CAMTA1: variants seen among roughly 807,000 people sequenced by gnomAD.
The protein encoded by CAMTA1 is calmodulin binding transcription activator 1.
Under a neutral mutation model 170.9 loss-of-function variants are expected in CAMTA1, and 27 were observed. The observed-to-expected ratio is 0.16, with a 90% confidence interval of 0.12 to 0.22. CAMTA1 has a LOEUF of 0.22. Among genes scored for constraint, CAMTA1 ranks in the 10% least tolerant of loss-of-function variants. CAMTA1 has a pLI of 1.00. For synonymous variants in CAMTA1, 833 were observed against 891.5 expected (o/e 0.93, Z 1.17); for missense variants, 1,619 against 2,217.2 (o/e 0.73, Z 5.42).
chr1:7,579,558 T>C (rs1295971843), intron 6 of CAMTA1, among the ~76,000 whole-genome samples: 4 of 114,398 alleles, frequency 3.5e-5, no homozygotes, highest in East Asian at 4.1e-4. Context: ...TTTTCTTTTT[T>C]TTTTTTTTTT....
chr1:7,051,101 T>C (rs1411329846), intron 3 of CAMTA1, among the ~76,000 whole-genome samples: 1 of 152,130 alleles, frequency 6.6e-6, no homozygotes, highest in African/African-American at 2.4e-5. Context: ...CCTCTGGTGA[T>C]CTGGAGACAC....
chr1:7,197,400 A>G (rs886118418), intron 4 of CAMTA1, among the ~76,000 whole-genome samples: 17 of 151,368 alleles, frequency 1.1e-4, no homozygotes, highest in African/African-American at 3.2e-4. Context: ...TCCAAAGACC[A>G]GGAGATGCTC....
At chr1:7,556,484 CT>C (rs981230797) in intron 6 of CAMTA1, among the ~76,000 whole-genome samples, 3 of 152,224 alleles carry the variant, frequency 2.0e-5, no homozygotes, top group Non-Finnish European at 1.5e-5. Context: ...CCCTTGCAAA[CT>C]CTTCCTTGCA....
In CAMTA1 at chr1:7,736,927, A is replaced by C; in HGVS notation, c.3264-4A>C. 6.2e-7 allele frequency: 1 copy of C among 1,610,842 alleles called. No homozygotes were observed. The highest frequency in any genetic ancestry group is 8.5e-7 in the Non-Finnish European group (1 of 1,178,088). The stretch of plus-strand genomic sequence containing the variant: ...GTGGTAATTTCTGGTGCTCTCCCTT[A>C]TAGTACAAAGCACGCGGATAGCATT... On this transcript the variant is annotated splice_region_variant and splice_polypyrimidine_tract_variant and intron_variant, in intron 13 of 22. Transcript: ENST00000303635. This position sits in a 1 kb window ranked among gnomAD's most constrained non-coding sequence, Gnocchi z 4.5.
chr1:7,304,959 T>C (rs1675361137), intron 5 of CAMTA1, among the ~76,000 whole-genome samples: 1 of 152,096 alleles, frequency 6.6e-6, no homozygotes, highest in Non-Finnish European at 1.5e-5. Context: ...ATGTTTTTGG[T>C]ATTTTAATAT....
At chr1:7,118,912 A>G (rs934952060) in intron 4 of CAMTA1, among the ~76,000 whole-genome samples, 2 of 152,206 alleles carry the variant, frequency 1.3e-5, no homozygotes, top group South Asian at 2.1e-4. Flanking sequence ...TCAGAAGACG[A>G]GCTGACTTCA....
At chr1:7,752,413 G>A (rs1432832175) in intron 20 of CAMTA1, 46 bp from the exon 21 acceptor site, 7 of 1,546,084 alleles carry the variant, frequency 4.5e-6, no homozygotes, top group South Asian at 2.2e-5. Flanking sequence ...TCCATATTGG[G>A]CTTTACTGTA....
intron 5 of CAMTA1, among the ~76,000 whole-genome samples, chr1:7,314,766 C>T (rs1337780819): frequency 6.6e-6 from 1 of 152,134 alleles, no homozygotes; most frequent in Non-Finnish European, 1.5e-5. Flanking sequence ...TACAGAGTTC[C>T]CCCTCTGGAA....
chr1:7,599,066 G>C (rs1340571899), intron 6 of CAMTA1, among the ~76,000 whole-genome samples: 2 of 152,174 alleles, frequency 1.3e-5, no homozygotes, highest in Non-Finnish European at 2.9e-5. Flanking sequence ...GGCTTTTATG[G>C]TTTTTGGTCT....
intron 5 of CAMTA1, among the ~76,000 whole-genome samples, chr1:7,301,118 A>G (rs767915870): frequency 5.3e-5 from 8 of 152,172 alleles, no homozygotes; most frequent in Non-Finnish European, 8.8e-5. Flanking sequence ...GTGACAGAGG[A>G]GCCACAGCCA....
intron 3 of CAMTA1, among the ~76,000 whole-genome samples, chr1:6,830,392 G>A (rs1262524652): frequency 6.1e-5 from 9 of 148,162 alleles, no homozygotes; most frequent in Admixed American, 4.1e-4. Flanking sequence ...TACCCAGGCT[G>A]GAGTGCAATG....
intron 6 of CAMTA1, among the ~76,000 whole-genome samples, chr1:7,611,804 G>A (rs1304349432): frequency 2.0e-5 from 3 of 152,236 alleles, no homozygotes; most frequent in African/African-American, 7.2e-5. Flanking sequence ...GCCAGTGCTG[G>A]GGGACCGCCT....
In CAMTA1 at chr1:7,044,243, T is replaced by C. The variant is rs1335430659; in HGVS notation, c.235-47061T>C. On this transcript the variant is annotated intron_variant, in intron 3 of 22. Transcript: ENST00000303635. The surrounding 1 kb of genome is among the most constrained non-coding windows in gnomAD (Gnocchi z 5.0). ...ACCCTGTGGCCACAGCTGCTGGGCCTGTTCACACACGGTTGGGACTGGCCA... is the reference window on the plus strand; with the variant it reads ...ACCCTGTGGCCACAGCTGCTGGGCCCGTTCACACACGGTTGGGACTGGCCA... Among the ~76,000 whole-genome samples the C allele has an allele frequency of 1.3e-5, 2 of 152,204 alleles. No homozygotes were observed. Among genetic ancestry groups the C allele is most frequent in the Non-Finnish European group, 2.9e-5 (2 of 68,034 alleles).
chr1:7,566,912 C>T (rs986365967), intron 6 of CAMTA1, among the ~76,000 whole-genome samples: 2 of 152,340 alleles, frequency 1.3e-5, no homozygotes, highest in East Asian at 1.9e-4. Flanking sequence ...TCTTCATGGG[C>T]CAGTCTTCAT....
chr1:6,880,104 A>G (rs1671093933), intron 3 of CAMTA1, among the ~76,000 whole-genome samples: 1 of 151,392 alleles, frequency 6.6e-6, no homozygotes, highest in South Asian at 2.1e-4. Flanking sequence ...TTTATCTTTA[A>G]TTTAATAGAG....
chr1:7,001,882 C>CT (rs749654876), intron 3 of CAMTA1, among the ~76,000 whole-genome samples: 1 of 113,396 alleles, frequency 8.8e-6, no homozygotes, highest in East Asian at 2.3e-4. Flanking sequence ...TTCTTTCTTT[C>CT]TTCTTCTTCT....
chr1:7,050,215 C>T lies in CAMTA1; in HGVS notation c.235-41089C>T, dbSNP rs1572692620. Among the ~76,000 whole-genome samples the T allele has an allele frequency of 6.6e-6, 1 of 152,190 alleles. No individual in the cohort carries two copies. Among genetic ancestry groups the T allele is most frequent in the Non-Finnish European group, 1.5e-5 (1 of 68,024 alleles). The stretch of plus-strand genomic sequence containing the variant: ...GACTCAGGCGGCTGTTCCCGGCCTG[C>T]ACCCTGGTCCTCCATGGTGGTGAAG... On this transcript the variant is annotated intron_variant, in intron 3 of 22. Transcript: ENST00000303635. This position sits in a 1 kb window ranked among gnomAD's most constrained non-coding sequence, Gnocchi z 4.8.
intron 6 of CAMTA1, among the ~76,000 whole-genome samples, chr1:7,554,126 C>T (rs2094845166): frequency 2.0e-5 from 3 of 152,148 alleles, no homozygotes. Flanking sequence ...CTGAAAATTT[C>T]CTCCACATAA....
At chr1:7,523,958 T>G (rs1410906887) in intron 6 of CAMTA1, among the ~76,000 whole-genome samples, 2 of 152,002 alleles carry the variant, frequency 1.3e-5, no homozygotes, top group Non-Finnish European at 2.9e-5. Context: ...ATCCCAGCAC[T>G]TTGGGAAGCT....
Sources: gnomAD v4.1 joint callset for allele counts (sites outside exome capture counted in the v4.1 genomes callset) on GRCh38, gnomAD v4.1.1 for gene constraint, Gnocchi (gnomAD v3.1) non-coding constraint, MANE v1.5 for transcripts, NCBI Gene and HGNC (gene_info 2026-07-23, HGNC 2026-07-21) for gene names.